ROBO1: variants seen among roughly 807,000 people sequenced by gnomAD.
ROBO1 encodes the protein roundabout guidance receptor 1.
A neutral mutation model predicts 195.9 loss-of-function variants in ROBO1; 149 were observed. That is an observed-to-expected ratio of 0.76 (90% CI 0.67 to 0.87). The LOEUF (loss-of-function observed/expected upper bound fraction) is 0.87. Ranked by LOEUF, ROBO1 falls within the 40% of genes least tolerant of loss-of-function variation. ROBO1 has a pLI of 0.00. For synonymous variants in ROBO1, 816 were observed against 733.2 expected (o/e 1.11, Z -1.82); for missense variants, 1,933 against 2,068.3 (o/e 0.93, Z 1.27).
chr3:78,961,925 ATGTTTTT>A (rs558783706), intron 3 of ROBO1, among the ~76,000 whole-genome samples: 112 of 151,164 alleles, frequency 7.4e-4, no homozygotes, highest in African/African-American at 2.5e-3. Context: ...TTCTAGGCCC[ATGTTTTT>A]TGTTTTTTGT....
intron 3 of ROBO1, among the ~76,000 whole-genome samples, chr3:78,988,085 CATGG>C (rs762137956): frequency 8.5e-5 from 13 of 152,250 alleles, no homozygotes; most frequent in Non-Finnish European, 1.5e-4. Context: ...TCTTTAGCAT[CATGG>C]ATAGTGAAAT....
At chr3:79,359,958 A>G (rs1161509091) in intron 2 of ROBO1, among the ~76,000 whole-genome samples, 1 of 152,014 alleles carries the variant, frequency 6.6e-6, no homozygotes, top group Non-Finnish European at 1.5e-5. Flanking sequence ...AGGAAGAAGA[A>G]AACTTCCATC....
chr3:79,495,361 C>A lies in ROBO1; in HGVS notation c.88+94463G>T, dbSNP rs184891083. 3.4e-3 allele frequency among the ~76,000 whole-genome samples: 514 copies of A among 151,988 alleles called. 3 individuals carry two copies. Among genetic ancestry groups the A allele is most frequent in the African/African-American group, 0.012 (492 of 41,450 alleles). ...GTATAAAAATAATAGACAAGAGTCA[C>A]AAGAATACTTGGGGAATATGTAATT... On this transcript the variant is annotated intron_variant, in intron 2 of 30. Transcript: ENST00000464233.
At chr3:78,826,083 C>A (rs1169435515) in intron 4 of ROBO1, among the ~76,000 whole-genome samples, 1 of 152,112 alleles carries the variant, frequency 6.6e-6, no homozygotes, top group African/African-American at 2.4e-5. Context: ...CCTGATAAAT[C>A]TTAAGTCAGC....
chr3:79,505,203 T>A (rs1269108302), intron 2 of ROBO1, among the ~76,000 whole-genome samples: 1 of 142,740 alleles, frequency 7.0e-6, no homozygotes, highest in Non-Finnish European at 1.5e-5. Flanking sequence ...TTTATTAAAC[T>A]TCTTTCTATA....
chr3:78,740,213 A>C (rs886137179), intron 5 of ROBO1, among the ~76,000 whole-genome samples: 2 of 152,144 alleles, frequency 1.3e-5, no homozygotes, highest in African/African-American at 2.4e-5. Flanking sequence ...ATTGACAAGT[A>C]TAAGTGTACC....
chr3:79,647,778 G>T (rs545726799), intron 1 of ROBO1, among the ~76,000 whole-genome samples: 1 of 151,928 alleles, frequency 6.6e-6, no homozygotes, highest in Non-Finnish European at 1.5e-5. Flanking sequence ...GATACAGCAG[G>T]TCCTCAAATA....
intron 3 of ROBO1, among the ~76,000 whole-genome samples, chr3:78,951,690 A>T (rs2040801669): frequency 6.6e-6 from 1 of 152,078 alleles, no homozygotes; most frequent in Non-Finnish European, 1.5e-5. Context: ...TCCTTCAACA[A>T]CTGCCCAGTT....
At chr3:79,477,916 T>G (rs1036613978) in intron 2 of ROBO1, among the ~76,000 whole-genome samples, 3 of 152,196 alleles carry the variant, frequency 2.0e-5, no homozygotes, top group African/African-American at 7.2e-5. Context: ...CTTTTAACAT[T>G]AGCAAATTAA....
intron 2 of ROBO1, among the ~76,000 whole-genome samples, chr3:79,317,581 T>C (rs538217351): frequency 3.5e-4 from 54 of 152,188 alleles, no homozygotes; most frequent in Non-Finnish European, 6.6e-4. Flanking sequence ...CTTCTACTCA[T>C]GTTATAAACA....
intron 4 of ROBO1, among the ~76,000 whole-genome samples, chr3:78,843,634 A>G (rs1456959740): frequency 6.6e-6 from 1 of 152,100 alleles, no homozygotes; most frequent in South Asian, 2.1e-4. Context: ...TACTTCTCCA[A>G]AAGTTTTAAC....
chr3:79,134,820 T>C (rs1203934639), intron 2 of ROBO1, among the ~76,000 whole-genome samples: 1 of 100,266 alleles, frequency 1.0e-5, no homozygotes, highest in Non-Finnish European at 2.0e-5. Context: ...TTCTCACTCA[T>C]AGGTGGGAAT....
intron 4 of ROBO1, among the ~76,000 whole-genome samples, chr3:78,929,628 G>T (rs2039401606): frequency 6.6e-6 from 1 of 151,736 alleles, no homozygotes; most frequent in South Asian, 2.1e-4. Flanking sequence ...TCAGCCTCCT[G>T]TGTAGCTGGG....
At chr3:79,457,216 A>C (rs571121091) in intron 2 of ROBO1, among the ~76,000 whole-genome samples, 1 of 152,306 alleles carries the variant, frequency 6.6e-6, no homozygotes, top group African/African-American at 2.4e-5. Flanking sequence ...CAAACAAAAT[A>C]ATCAGCATTC....
At chr3:78,929,056 T>C (rs1479042182) in intron 4 of ROBO1, among the ~76,000 whole-genome samples, 1 of 152,186 alleles carries the variant, frequency 6.6e-6, no homozygotes, top group East Asian at 1.9e-4. Context: ...CATAATTTAC[T>C]GGATAAGATT....
chr3:79,243,265 G>A (rs2082556662), intron 2 of ROBO1, among the ~76,000 whole-genome samples: 1 of 151,974 alleles, frequency 6.6e-6, no homozygotes, highest in South Asian at 2.1e-4. Context: ...CCAAGTCTTT[G>A]CTATTGTGAA....
chr3:79,674,711 A>AT (rs1946729678), intron 1 of ROBO1, among the ~76,000 whole-genome samples: 1 of 151,782 alleles, frequency 6.6e-6, no homozygotes, highest in African/African-American at 2.4e-5. Context: ...TAAATATTCT[A>AT]TATTATTTAT....
chr3:79,051,660 A>G (rs2078701601), intron 3 of ROBO1, among the ~76,000 whole-genome samples: 1 of 152,184 alleles, frequency 6.6e-6, no homozygotes, highest in African/African-American at 2.4e-5. Context: ...AATCCTCATA[A>G]AATGTTGCGG....
chr3:78,918,030 G>A (rs780827533), intron 4 of ROBO1, among the ~76,000 whole-genome samples: 1 of 152,168 alleles, frequency 6.6e-6, no homozygotes, highest in South Asian at 2.1e-4. Flanking sequence ...ACATGGAAAT[G>A]CCATGCAAAG....
Sources: gnomAD v4.1 joint callset for allele counts (sites outside exome capture counted in the v4.1 genomes callset) on GRCh38, gnomAD v4.1.1 for gene constraint, MANE v1.5 for transcripts, NCBI Gene and HGNC (gene_info 2026-07-23, HGNC 2026-07-21) for gene names.